The following TPP2 variants were observed in gnomAD, a reference collection of about 807,000 sequenced individuals.
TPP2 encodes the protein tripeptidyl peptidase 2.
Under a neutral mutation model 155.9 loss-of-function variants are expected in TPP2, and 34 were observed. That is an observed-to-expected ratio of 0.22 (90% CI 0.17 to 0.29). TPP2 has a LOEUF of 0.29. TPP2 is among the 10% of genes least tolerant of loss of function. TPP2 has a pLI of 1.00. For synonymous variants in TPP2, 510 were observed against 529.4 expected (o/e 0.96, Z 0.50); for missense variants, 1,028 against 1,522.3 (o/e 0.68, Z 5.40).
Position 102,634,083 on chromosome 13 carries a change from G to A in TPP2, c.1378G>A (p.Ala460Thr), listed in dbSNP as rs1336567363. 84 of 1,613,936 alleles carry A rather than the reference G, an allele frequency of 5.2e-5. No homozygotes were observed. The highest frequency in any genetic ancestry group is 6.7e-5 in the Non-Finnish European group (79 of 1,179,952). ...MSSPNACGGI[A>T]LILSGLKANN... is the part of the protein sequence containing the mutation. ...TTCCCCCAATGCATGTGGAGGCATT[G>A]CCCTGATCCTTTCAGGTAAGCGTGT... The change falls in exon 11 of 30, where the codon GCC becomes ACC. Residue 460 changes from alanine (A) to threonine (T), a missense_variant. Physicochemically the swap from Ala to Thr is moderately conservative, Grantham distance 58. Around this residue, in one of 7 missense-constraint regions of TPP2, gnomAD observed 325 missense variants for 463.7 expected, o/e 0.70. Transcript: ENST00000376052.
intron 28 of TPP2, among the ~76,000 whole-genome samples, chr13:102,674,927 A>T (rs938067265): frequency 6.6e-6 from 1 of 152,116 alleles, no homozygotes; most frequent in African/African-American, 2.4e-5. Context: ...AGTAATTATC[A>T]TCTTGATTTG....
intron 14 of TPP2, 47 bp downstream of exon 14, chr13:102,637,286 T>G (rs1882444662): frequency 1.3e-6 from 2 of 1,544,682 alleles, no homozygotes; most frequent in South Asian, 2.5e-5. Context: ...TTAAAATGTT[T>G]AAAAGGTTAA....
intron 6 of TPP2, among the ~76,000 whole-genome samples, chr13:102,624,478 C>A (rs575267390): frequency 7.0e-4 from 107 of 152,234 alleles, no homozygotes; most frequent in African/African-American, 2.5e-3. Flanking sequence ...ACTCATTACC[C>A]CCAAAAGTTT....
chr13:102,669,987 A>C (rs1884864482), intron 27 of TPP2, among the ~76,000 whole-genome samples: 1 of 152,198 alleles, frequency 6.6e-6, no homozygotes, highest in African/African-American at 2.4e-5. Flanking sequence ...CAGAGTCACT[A>C]ACCATATTGA....
chr13:102,653,013 A>G (rs950788064), intron 24 of TPP2, among the ~76,000 whole-genome samples: 1 of 152,194 alleles, frequency 6.6e-6, no homozygotes, highest in Non-Finnish European at 1.5e-5. Flanking sequence ...ATTTTTGTTG[A>G]CCTTTTGCAA....
intron 17 of TPP2, among the ~76,000 whole-genome samples, chr13:102,644,176 A>G (rs1007816044): frequency 2.0e-5 from 3 of 152,086 alleles, no homozygotes; most frequent in Non-Finnish European, 2.9e-5. Context: ...AATTGTGCCT[A>G]TTGAGTATGC....
intron 1 of TPP2, among the ~76,000 whole-genome samples, chr13:102,598,640 G>A (rs1431055146): frequency 6.6e-6 from 1 of 152,222 alleles, no homozygotes; most frequent in East Asian, 1.9e-4. Flanking sequence ...TGTGGAGTGT[G>A]TTTACTTTTT....
intron 1 of TPP2, among the ~76,000 whole-genome samples, chr13:102,597,423 G>GC (rs1183627509): frequency 1.3e-5 from 2 of 152,060 alleles, no homozygotes; most frequent in Non-Finnish European, 2.9e-5. Flanking sequence ...CGCTGGGCGG[G>GC]CGAGGGCCCG....
intron 11 of TPP2, among the ~76,000 whole-genome samples, chr13:102,634,924 A>C (rs147432476): frequency 6.6e-6 from 1 of 152,174 alleles, no homozygotes; most frequent in Admixed American, 6.5e-5. Context: ...ACTCCTGTAC[A>C]TTCTCTAAGA....
At chr13:102,626,467 G>A (rs540819805) in intron 6 of TPP2, among the ~76,000 whole-genome samples, 12 of 152,264 alleles carry the variant, frequency 7.9e-5, no homozygotes, top group African/African-American at 2.6e-4. Context: ...GAACATTTTT[G>A]TGGGTGTCTT....
chr13:102,632,091 T>C (rs1882056606), intron 10 of TPP2, among the ~76,000 whole-genome samples: 1 of 152,112 alleles, frequency 6.6e-6, no homozygotes, highest in Non-Finnish European at 1.5e-5. Flanking sequence ...CCATCTCTAC[T>C]AAAAATATAA....
chr13:102,646,266 A>G (rs373170204), intron 19 of TPP2, 28 bp from the exon 20 acceptor site: 8 of 1,571,760 alleles, frequency 5.1e-6, no homozygotes, highest in Non-Finnish European at 6.1e-6. Flanking sequence ...TCTTGAATCA[A>G]ACCAGTTATG....
chr13:102,649,237 T>C, intron 22 of TPP2, 86 bp downstream of exon 22: 1 of 1,507,340 alleles, frequency 6.6e-7, no homozygotes, highest in Non-Finnish European at 8.9e-7. Flanking sequence ...AGGCTAAATT[T>C]AGAGGATGTA....
At position 102,634,112 on chromosome 13, in the gene TPP2, T is replaced by C. The variant is rs1595168708; in HGVS notation, c.1393+14T>C. The C allele has an allele frequency of 1.9e-6, 3 of 1,613,922 alleles. No individual in the cohort carries two copies. The highest frequency in any genetic ancestry group is 2.5e-6 in the Non-Finnish European group (3 of 1,179,826). On this transcript the variant is annotated intron_variant, in intron 11 of 29. Transcript: ENST00000376052. Reference sequence around the variant, plus strand: ...TGATCCTTTCAGGTAAGCGTGTTCTTTATTGTCCTTACATTATTGCAGACC... The same window carrying C: ...TGATCCTTTCAGGTAAGCGTGTTCTCTATTGTCCTTACATTATTGCAGACC...
intron 1 of TPP2, among the ~76,000 whole-genome samples, chr13:102,598,778 T>C (rs771547277): frequency 2.0e-5 from 3 of 152,216 alleles, no homozygotes; most frequent in Non-Finnish European, 4.4e-5. Context: ...TTTCCAGATC[T>C]GTTTCTCACA....
intron 27 of TPP2, among the ~76,000 whole-genome samples, chr13:102,668,996 C>G (rs113786726): frequency 1.3e-5 from 2 of 152,126 alleles, no homozygotes; most frequent in African/African-American, 4.8e-5. Context: ...TGGTTTGATG[C>G]CTCGTGCTGG....
At chr13:102,607,375 A>G (rs9518794) in intron 2 of TPP2, among the ~76,000 whole-genome samples, 11,977 of 152,258 alleles carry the variant, frequency 0.079, 529 homozygotes, top group Middle Eastern at 0.12. Context: ...GAAATGGTCA[A>G]TGGAGCATTT....
At chr13:102,624,944 C>G (rs1881472367) in intron 6 of TPP2, among the ~76,000 whole-genome samples, 1 of 144,610 alleles carries the variant, frequency 6.9e-6, no homozygotes, top group Non-Finnish European at 1.5e-5. Context: ...ACTGCAACCT[C>G]TGCCTCCCAG....
At chr13:102,607,687 A>G (rs1475027783) in intron 2 of TPP2, 1 of 447,828 alleles carries the variant, frequency 2.2e-6, no homozygotes, top group South Asian at 1.6e-5. Flanking sequence ...CCTGTATTCA[A>G]GTGATTCTTC....
Sources: gnomAD v4.1 joint callset for allele counts (sites outside exome capture counted in the v4.1 genomes callset) on GRCh38, gnomAD v4.1.1 for gene constraint, gnomAD v4.1.1 regional missense constraint, MANE v1.5 for transcripts, NCBI Gene and HGNC (gene_info 2026-07-23, HGNC 2026-07-21) for gene names.